TENT4B: variants seen among roughly 807,000 people sequenced by gnomAD.
TENT4B encodes terminal nucleotidyltransferase 4B, also known as PAP associated domain containing 5.
TENT4B carries 10 observed loss-of-function variants against 75.0 expected under a neutral mutation model. That is an observed-to-expected ratio of 0.13 (90% confidence interval 0.08 to 0.23). The LOEUF is 0.23. Ranked by LOEUF, TENT4B falls within the 10% of genes least tolerant of loss-of-function variation. The pLI is 1.00. For synonymous variants in TENT4B, 350 were observed against 357.7 expected (o/e 0.98, Z 0.24); for missense variants, 579 against 893.8 (o/e 0.65, Z 4.49).
In TENT4B at chr16:50,230,034, T is replaced by G; in HGVS notation, c.*706T>G. Reference sequence around the variant, plus strand: ...TTGTTTTTCTCAGCATTGAAATGACTTAATAGAACCCTTGTGTCCTGCTGC... The same window carrying G: ...TTGTTTTTCTCAGCATTGAAATGACGTAATAGAACCCTTGTGTCCTGCTGC... On this transcript the variant is annotated 3_prime_UTR_variant, in exon 12 of 12. Transcript: ENST00000561678. 5 of 985,062 alleles carry G rather than the reference T, an allele frequency of 5.1e-6. No individual in the cohort carries two copies. The highest frequency in any genetic ancestry group is 6.0e-6 in the Non-Finnish European group (5 of 829,504). The allele number at this position is 985,062 out of a possible 1,614,324, so 61.0% of individuals were successfully genotyped here. A position where few individuals can be genotyped will look rare whatever the true frequency, so the allele number is the denominator to read the frequency against.
chr16:50,232,769 T>C lies in TENT4B; in HGVS notation c.*3441T>C, dbSNP rs2032333922. On this transcript the variant is annotated 3_prime_UTR_variant, in exon 12 of 12. Coordinates refer to ENST00000561678, the MANE Select transcript of TENT4B (RefSeq NM_001365324.3). ...TAGTGGTAGATGTTGCTGATACTTT[T>C]ATTGGTCATGACTACATCTCAGTTT... 3.0e-6 allele frequency: 3 copies of C among 985,256 alleles called. No homozygotes were observed. The highest frequency in any genetic ancestry group is 9.4e-5 in the South Asian group (2 of 21,288). 61.0% of individuals were successfully genotyped at this position (985,256 alleles called of 1,614,324 possible).
intron 5 of TENT4B, among the ~76,000 whole-genome samples, chr16:50,218,228 C>T (rs1362675924): frequency 6.6e-6 from 1 of 152,156 alleles, no homozygotes; most frequent in African/African-American, 2.4e-5. Context: ...AATTCTACTA[C>T]ACAGTTGATT....
At chr16:50,222,579 T>A in intron 6 of TENT4B, 145 bp downstream of exon 6, 1 of 837,250 alleles carries the variant, frequency 1.2e-6, no homozygotes, top group Non-Finnish European at 1.8e-6. Context: ...TTAAACTGGG[T>A]ACATTTTATC....
intron 10 of TENT4B, 54 bp from the exon 11 acceptor site, chr16:50,227,785 T>C (rs1329990497): frequency 2.3e-5 from 36 of 1,581,758 alleles, no homozygotes; most frequent in Non-Finnish European, 3.1e-5. Flanking sequence ...TTTCTGAATA[T>C]TGAGTATCTA....
intron 10 of TENT4B, among the ~76,000 whole-genome samples, chr16:50,225,904 G>C (rs184553213): frequency 6.6e-6 from 1 of 151,794 alleles, no homozygotes; most frequent in Admixed American, 6.6e-5. Context: ...GGCTGGTCCT[G>C]AACTCCTGAT....
intron 1 of TENT4B, among the ~76,000 whole-genome samples, chr16:50,163,417 CTTTTT>C (rs559720798): frequency 3.0e-5 from 4 of 132,976 alleles, no homozygotes; most frequent in African/African-American, 2.8e-5. Flanking sequence ...GATATAATTT[CTTTTT>C]TTTTTTTTTT....
At chr16:50,190,291 G>A (rs968541920) in intron 1 of TENT4B, among the ~76,000 whole-genome samples, 1 of 151,788 alleles carries the variant, frequency 6.6e-6, no homozygotes, top group Admixed American at 6.6e-5. Context: ...GTGCATTTTT[G>A]AATGCTTTTG....
intron 1 of TENT4B, among the ~76,000 whole-genome samples, chr16:50,182,891 C>CTTTTTTCTTTTTTTT (rs2038444017): frequency 2.7e-5 from 1 of 36,458 alleles, no homozygotes; most frequent in Non-Finnish European, 5.1e-5. Context: ...TTTATTTTAC[C>CTTTTTTCTTTTTTTT]TTTTTTTTTT....
At chr16:50,169,232 T>C (rs1416700075) in intron 1 of TENT4B, among the ~76,000 whole-genome samples, 1 of 152,146 alleles carries the variant, frequency 6.6e-6, no homozygotes, top group Non-Finnish European at 1.5e-5. Context: ...CCATATTTAT[T>C]TGTTGAAGAA....
chr16:50,228,273 G>C (rs1441992312), intron 11 of TENT4B, among the ~76,000 whole-genome samples: 1 of 152,146 alleles, frequency 6.6e-6, no homozygotes, highest in Non-Finnish European at 1.5e-5. Flanking sequence ...TATAAAAAGT[G>C]TCTCAGTTGT....
At chr16:50,228,307 G>A (rs1178576849) in intron 11 of TENT4B, among the ~76,000 whole-genome samples, 1 of 152,158 alleles carries the variant, frequency 6.6e-6, no homozygotes, top group African/African-American at 2.4e-5. Context: ...TGGCATGAAG[G>A]TTTTGTGAGG....
chr16:50,209,536 A>G (rs1306830148), intron 1 of TENT4B, among the ~76,000 whole-genome samples: 1 of 152,250 alleles, frequency 6.6e-6, no homozygotes, highest in Non-Finnish European at 1.5e-5. Flanking sequence ...GGATTCACCT[A>G]CAGACCTCTC....
chr16:50,213,325 C>T (rs1362652580), intron 2 of TENT4B, among the ~76,000 whole-genome samples: 2 of 152,214 alleles, frequency 1.3e-5, no homozygotes, highest in African/African-American at 2.4e-5. Flanking sequence ...TCCCAAAGTG[C>T]TGGGATTACA....
chr16:50,234,624 T>C lies in TENT4B; in HGVS notation c.*5296T>C. The C allele has an allele frequency of 1.0e-6, 1 of 985,218 alleles. No homozygotes were observed. The highest frequency in any genetic ancestry group is 1.2e-6 in the Non-Finnish European group (1 of 829,728). The allele number at this position is 985,218 out of a possible 1,614,324, so 61.0% of individuals were successfully genotyped here. On this transcript the variant is annotated 3_prime_UTR_variant, in exon 12 of 12. Coordinates refer to ENST00000561678, the MANE Select transcript of TENT4B (RefSeq NM_001365324.3). Reference sequence around the variant, plus strand: ...TCTCTGATTTTTGCATATTGAAACTTACAGAAGTCACTTTAAAAAAGTCTT... The same window carrying C: ...TCTCTGATTTTTGCATATTGAAACTCACAGAAGTCACTTTAAAAAAGTCTT...
At chr16:50,164,244 C>T (rs1003076820) in intron 1 of TENT4B, among the ~76,000 whole-genome samples, 1 of 152,198 alleles carries the variant, frequency 6.6e-6, no homozygotes, top group African/African-American at 2.4e-5. Flanking sequence ...CTCAAGCAGT[C>T]TTCCTACCTC....
At chr16:50,212,480 G>T (rs2031335192) in intron 2 of TENT4B, among the ~76,000 whole-genome samples, 2 of 152,196 alleles carry the variant, frequency 1.3e-5, no homozygotes, top group African/African-American at 4.8e-5. Flanking sequence ...TGTGTTTGTA[G>T]CTTTTCTTCA....
chr16:50,195,728 G>A (rs1249242745), intron 1 of TENT4B, among the ~76,000 whole-genome samples: 1 of 152,118 alleles, frequency 6.6e-6, no homozygotes, highest in African/African-American at 2.4e-5. Context: ...AAAATTATCA[G>A]TGTTCACAGT....
At chr16:50,215,941 C>T in intron 3 of TENT4B, 134 bp from the exon 4 acceptor site, 1 of 1,033,818 alleles carries the variant, frequency 9.7e-7, no homozygotes, top group Non-Finnish European at 1.4e-6. Context: ...CCATTATCAC[C>T]AACACATTTA....
intron 1 of TENT4B, among the ~76,000 whole-genome samples, chr16:50,169,191 A>C (rs977553509): frequency 2.0e-5 from 3 of 152,094 alleles, no homozygotes; most frequent in Admixed American, 1.3e-4. Context: ...TTAAATCTTA[A>C]TTTATAGATT....
Sources: gnomAD v4.1 joint callset for allele counts (sites outside exome capture counted in the v4.1 genomes callset) on GRCh38, gnomAD v4.1.1 for gene constraint, MANE v1.5 for transcripts, NCBI Gene and HGNC (gene_info 2026-07-23, HGNC 2026-07-21) for gene names.